The following ESPL1 variants were observed in gnomAD, a reference collection of about 807,000 sequenced individuals.
ESPL1 encodes the protein separin.
ESPL1 carries 50 observed loss-of-function variants against 217.2 expected under a neutral mutation model. The ratio of observed to expected loss-of-function variants is 0.23; its 90% confidence interval spans 0.18 to 0.29. The LOEUF (loss-of-function observed/expected upper bound fraction) is 0.29. Among genes scored for constraint, ESPL1 ranks in the 10% least tolerant of loss-of-function variants. The pLI, the probability that ESPL1 is intolerant of heterozygous loss-of-function variation, is 1.00. For missense variants in ESPL1, 1,834 were observed against 2,603.0 expected (o/e 0.70, Z 6.43); for synonymous variants, 994 against 1,081.3 (o/e 0.92, Z 1.58).
At chr12:53,290,044 C>G (rs1944024602) in intron 22 of ESPL1, 41 bp from the exon 23 acceptor site, 1 of 1,597,444 alleles carries the variant, frequency 6.3e-7, no homozygotes, top group African/African-American at 1.3e-5. Context: ...AAGGGAATTC[C>G]TTTAACAGCT....
At chr12:53,277,400 C>T in intron 9 of ESPL1, 70 bp from the exon 10 acceptor site, 1 of 1,552,400 alleles carries the variant, frequency 6.4e-7, no homozygotes. Context: ...CCCACCTCAG[C>T]CTGCCGAGTA....
At chr12:53,283,044 TG>T in intron 14 of ESPL1, 84 bp from the exon 15 acceptor site, 1 of 1,555,998 alleles carries the variant, frequency 6.4e-7, no homozygotes, top group Non-Finnish European at 8.8e-7. Context: ...GAAGGAAGCA[TG>T]GGAAGCAGGC....
Position 53,276,680 on chromosome 12 carries a change from G to A in ESPL1, c.1761G>A (p.Glu587=). Residue 587 remains glutamate (E), a synonymous_variant, in exon 8 of 31, where the codon GAG becomes GAA. Transcript: ENST00000257934. The part of the protein sequence containing the change: ...DPETLALLLR[E]ELQAYKAVRA... Reference sequence around the variant, plus strand: ...AGACCCTGGCCCTCCTGCTGAGGGAGGAGCTGCAGGCCTACAAGGCGGTGC... The same window carrying A: ...AGACCCTGGCCCTCCTGCTGAGGGAAGAGCTGCAGGCCTACAAGGCGGTGC... The A allele has an allele frequency of 6.2e-7, 1 of 1,613,422 alleles. No individual in the cohort carries two copies. Among genetic ancestry groups the A allele is most frequent in the African/African-American group, 1.3e-5 (1 of 75,056 alleles).
chr12:53,270,844 A>G, intron 5 of ESPL1, 46 bp downstream of exon 5: 1 of 1,609,348 alleles, frequency 6.2e-7, no homozygotes, highest in Non-Finnish European at 8.5e-7. Flanking sequence ...GAGGGTCATC[A>G]CCCATTAGGC....
chr12:53,288,108 C>T lies in ESPL1; in HGVS notation c.4313C>T (p.Ala1438Val). The change falls in exon 19 of 31, where the codon GCC (alanine) becomes GTC (valine). Residue 1438 changes from alanine (A) to valine (V), a missense_variant. Ala to Val is a moderately conservative substitution (Grantham distance 64, BLOSUM62 0). Around this residue, in one of 5 missense-constraint regions of ESPL1, gnomAD observed 681 missense variants for 808.0 expected, o/e 0.84. Transcript: ENST00000257934. ...AAGGGCCTGAGCCTAAAGACGGATG[C>T]CGTGGTTGCCCCAGGTAGTGCCCCT... ...ARKGLSLKTDAVVAPGSAPGN... is the reference protein window; with the variant it reads ...ARKGLSLKTDVVVAPGSAPGN... 1 of 1,613,646 alleles carries T rather than the reference C, an allele frequency of 6.2e-7. No homozygotes were observed. Among genetic ancestry groups the T allele is most frequent in the South Asian group, 1.1e-5 (1 of 91,056 alleles).
intron 20 of ESPL1, 44 bp downstream of exon 20, chr12:53,288,743 G>A (rs764629317): frequency 1.3e-6 from 2 of 1,542,604 alleles, no homozygotes; most frequent in East Asian, 2.2e-5. Flanking sequence ...AGAGGGCTGA[G>A]CCTCTAGGGC....
rs1245627970 is a variant in ESPL1 at position 53,268,779 on chromosome 12, A to G, written c.13A>G (p.Lys5Glu). The G allele has an allele frequency of 5.6e-6, 9 of 1,611,778 alleles. No individual in the cohort carries two copies. The highest frequency in any genetic ancestry group is 7.6e-6 in the Non-Finnish European group (9 of 1,178,972). Reference protein sequence around the residue: MRSFKRVNFGTLLSS... With the variant: MRSFERVNFGTLLSS... ...GCTCTCCGGTGTCATGAGGAGCTTC[A>G]AAAGAGTCAACTTTGGGACTCTGCT... The change falls in exon 2 of 31, where the codon AAA becomes GAA. Residue 5 changes from lysine (K) to glutamate (E), a missense_variant. By Grantham distance (56) the Lys-to-Glu change is moderately conservative (BLOSUM62 1). Around this residue, in one of 5 missense-constraint regions of ESPL1, gnomAD observed 746 missense variants for 1,077.0 expected, o/e 0.69. Transcript: ENST00000257934.
Position 53,276,834 on chromosome 12 carries a change from C to T in ESPL1, c.1915C>T (p.His639Tyr). The T allele has an allele frequency of 6.2e-7, 1 of 1,613,846 alleles. No individual in the cohort carries two copies. Among genetic ancestry groups the T allele is most frequent in the South Asian group, 1.1e-5 (1 of 91,082 alleles). The change falls in exon 8 of 31, where the codon CAC becomes TAC. Residue 639 changes from histidine (H) to tyrosine (Y), a missense_variant. By Grantham distance (83) the His-to-Tyr change is moderately conservative. This residue lies in a region of ESPL1 where 746 missense variants were observed against 1,077.0 expected (regional missense o/e 0.69). Transcript: ENST00000257934. Reference sequence around the variant, plus strand: ...AGAACTGGCTCAGGTGCTCTGCTACCACGACTTTACGCAGCAGACCAACTG... The same window carrying T: ...AGAACTGGCTCAGGTGCTCTGCTACTACGACTTTACGCAGCAGACCAACTG... ...LVELAQVLCY[H>Y]DFTQQTNCSA...
At position 53,290,909 on chromosome 12, in the gene ESPL1, G is replaced by A. The variant is rs1330629973; in HGVS notation, c.5433G>A (p.Glu1811=). Residue 1811 remains glutamate, a synonymous_variant, in exon 25 of 31, where the codon GAG becomes GAA. Coordinates refer to ENST00000257934, the MANE Select transcript of ESPL1 (RefSeq NM_012291.5). ...AGGGGCTGCTGCTGCCGTCCAGTGA[G>A]GAGCCCGGCCCTGCCCAGGAGGCCT... ...CWKGLLLPSS[E]EPGPAQEASR... is the part of the protein sequence containing the mutation. 1.2e-6 allele frequency: 2 copies of A among 1,607,550 alleles called. No homozygotes were observed. The highest frequency in any genetic ancestry group is 2.2e-5 in the East Asian group (1 of 44,762).
intron 24 of ESPL1, 67 bp downstream of exon 24, chr12:53,290,536 T>C: frequency 1.3e-6 from 2 of 1,577,770 alleles, no homozygotes; most frequent in Non-Finnish European, 1.7e-6. Flanking sequence ...GTGACTTCTC[T>C]ACCAGACGGC....
At chr12:53,279,943 T>C in intron 12 of ESPL1, 77 bp downstream of exon 12, 3 of 1,450,054 alleles carry the variant, frequency 2.1e-6, no homozygotes, top group African/African-American at 1.4e-5. Flanking sequence ...GAAGACAGGA[T>C]ATCAAAGGGG....
In ESPL1 at chr12:53,292,128, TG is replaced by T; in HGVS notation, c.5796+44del. On this transcript the variant is annotated intron_variant, in intron 27 of 30. Transcript: ENST00000257934. This position sits in a 1 kb window ranked among gnomAD's most constrained non-coding sequence, Gnocchi z 4.5. ...GTAGTGTCTGGGGATGACTGGCGAC[TG>T]GGGAAGACGTCAACAAAGAAGGGCA... is the stretch of plus-strand genomic sequence containing the variant. 1 of 1,533,646 alleles carries T rather than the reference TG, an allele frequency of 6.5e-7. No homozygotes were observed. The highest frequency in any genetic ancestry group is 9.0e-7 in the Non-Finnish European group (1 of 1,106,712).
At chr12:53,290,585 A>T in intron 24 of ESPL1, 116 bp downstream of exon 24, 1 of 1,026,184 alleles carries the variant, frequency 9.7e-7, no homozygotes. Context: ...CCCTTCTGGA[A>T]GTGTAGACCT....
At position 53,277,851 on chromosome 12, in the gene ESPL1, C is replaced by T. The variant is rs201534978; in HGVS notation, c.2255C>T (p.Ala752Val). The change falls in exon 11 of 31, where the codon GCC (alanine) becomes GTC (valine). Residue 752 changes from alanine to valine, a missense_variant. Ala to Val is a moderately conservative substitution (Grantham distance 64). Coordinates refer to ENST00000257934, the MANE Select transcript of ESPL1 (RefSeq NM_012291.5). ...TCCAAATGCCTGGACCAAGCCCTGG[C>T]CCTGTGGAAGGAGCTGCTTACAAAG... Reference protein sequence around the residue: ...AQSKCLDQALALWKELLTKGQ... With the variant: ...AQSKCLDQALVLWKELLTKGQ... The T allele has an allele frequency of 9.9e-6, 16 of 1,614,064 alleles. 1 individual carries two copies. The highest frequency in any genetic ancestry group is 1.3e-5 in the Non-Finnish European group (15 of 1,180,040).
At chr12:53,280,449 TCATTTC>T (rs111691573) in intron 12 of ESPL1, among the ~76,000 whole-genome samples, 2,786 of 152,188 alleles carry the variant, frequency 0.018, 85 homozygotes, top group African/African-American at 0.061. Context: ...TTTAGTGGTG[TCATTTC>T]CATTTCCATT....
At chr12:53,270,174 C>G in intron 3 of ESPL1, 89 bp downstream of exon 3, 1 of 1,214,468 alleles carries the variant, frequency 8.2e-7, no homozygotes, top group Admixed American at 2.2e-5. Flanking sequence ...GAGGTCCTGG[C>G]TCCCTCCTTG....
chr12:53,291,290 C>T lies in ESPL1; in HGVS notation c.5520+294C>T, dbSNP rs113057458. Among the ~76,000 whole-genome samples, 284 of 141,814 alleles carry T rather than the reference C, an allele frequency of 2.0e-3. 2 individuals are homozygous for T. The highest frequency in any genetic ancestry group is 7.1e-3 in the African/African-American group (267 of 37,624). The allele number at this position is 141,814 out of a possible 152,430, so 93.0% of individuals were successfully genotyped here. On this transcript the variant is annotated intron_variant, in intron 25 of 30. Transcript: ENST00000257934. Reference sequence around the variant, plus strand: ...CCAGCCTGGGTGACAGAGTGAGACTCCATCTCAAAAAAAAAAAAAAGGATA... The same window carrying T: ...CCAGCCTGGGTGACAGAGTGAGACTTCATCTCAAAAAAAAAAAAAAGGATA...
chr12:53,274,707 C>A, intron 6 of ESPL1, 110 bp from the exon 7 acceptor site: 1 of 877,360 alleles, frequency 1.1e-6, no homozygotes, highest in Non-Finnish European at 1.8e-6. Context: ...GGCCCACCTG[C>A]CAACCCCGCC....
rs749500786 is a variant in ESPL1, at chr12:53,293,516, G to C, written c.*42G>C. 2.0e-5 allele frequency: 28 copies of C among 1,425,144 alleles called. No homozygotes were observed. The highest frequency in any genetic ancestry group is 2.8e-5 in the African/African-American group (2 of 70,958). The allele number at this position is 1,425,144 out of a possible 1,614,324, so 88.3% of individuals were successfully genotyped here. A position where few individuals can be genotyped will look rare whatever the true frequency, so the allele number is the denominator to read the frequency against. ...TATTGATGCTAGAAGCCTCATAACT[G>C]TTCTACCTCCAAGGTTAGATTTAAT... is the stretch of plus-strand genomic sequence containing the variant. On this transcript the variant is annotated 3_prime_UTR_variant, in exon 31 of 31. Coordinates refer to ENST00000257934, the MANE Select transcript of ESPL1 (RefSeq NM_012291.5). This position sits in a 1 kb window ranked among gnomAD's most constrained non-coding sequence, Gnocchi z 4.2.
Sources: allele counts gnomAD v4.1 joint callset (sites outside exome capture counted in the v4.1 genomes callset), GRCh38; gene constraint gnomAD v4.1.1; regional missense constraint gnomAD v4.1.1; non-coding constraint Gnocchi (gnomAD v3.1); transcripts MANE v1.5; gene names NCBI Gene and HGNC (gene_info 2026-07-23, HGNC 2026-07-21).